Variants in PALM2AKAP2 observed in about 807,000 individuals in gnomAD.
PALM2AKAP2 encodes the protein PALM2-AKAP2 fusion protein.
PALM2AKAP2 carries 37 observed loss-of-function variants against 71.5 expected under a neutral mutation model. The observed-to-expected ratio is 0.52, with a 90% CI of 0.40 to 0.68. The LOEUF is 0.68. PALM2AKAP2 is among the 30% of genes least tolerant of loss of function. The pLI is 0.00. For missense variants in PALM2AKAP2, 1,224 were observed against 1,191.8 expected, an observed-to-expected ratio of 1.03 and a Z score of -0.40; for synonymous variants, 468 against 478.8, an observed-to-expected ratio of 0.98 and a Z score of 0.29.
chr9:109,750,821 C>T (rs1171941357), intron 1 of PALM2AKAP2, among the ~76,000 whole-genome samples: 1 of 152,052 alleles, frequency 6.6e-6, no homozygotes, highest in African/African-American at 2.4e-5. Context: ...TAGTATGGTC[C>T]AAACAAAACC....
exon 2 of PALM2AKAP2, chr9:110,136,516 T>C: frequency 1.2e-6 from 2 of 1,613,782 alleles, no homozygotes; most frequent in East Asian, 4.5e-5. Flanking sequence ...TAAGCCCCCC[T>C]GTCCACGAGG....
chr9:109,853,165 T>TC (rs1337014193), intron 1 of PALM2AKAP2, among the ~76,000 whole-genome samples: 1 of 152,054 alleles, frequency 6.6e-6, no homozygotes, highest in Admixed American at 6.6e-5. Flanking sequence ...AATAGAAGCT[T>TC]CCCCCCAGGG....
intron 3 of PALM2AKAP2, among the ~76,000 whole-genome samples, chr9:109,915,129 G>C (rs1178237851): frequency 6.6e-6 from 1 of 152,192 alleles, no homozygotes; most frequent in East Asian, 1.9e-4. Flanking sequence ...TACTAAACTT[G>C]ATCTCTGCCC....
intron 6 of PALM2AKAP2, among the ~76,000 whole-genome samples, chr9:109,981,640 T>C (rs937415886): frequency 6.6e-6 from 1 of 152,168 alleles, no homozygotes; most frequent in African/African-American, 2.4e-5. Context: ...AGGTTTTGTT[T>C]TGTTGTTGTT....
intron 6 of PALM2AKAP2, among the ~76,000 whole-genome samples, chr9:109,975,197 C>T (rs12004497): frequency 0.043 from 6,482 of 152,180 alleles, 283 homozygotes; most frequent in East Asian, 0.17. Flanking sequence ...AGAAGCCCCA[C>T]GATCTACTAT....
Position 109,996,236 on chromosome 9 carries a change from G to A in PALM2AKAP2, c.497-19718G>A, listed in dbSNP as rs1832572920. 2.0e-5 allele frequency among the ~76,000 whole-genome samples: 3 copies of A among 152,190 alleles called. No homozygotes were observed. The South Asian group carries it at 6.2e-4, about 32-fold the overall frequency. On this transcript the variant is annotated intron_variant, in intron 6 of 9. Transcript: ENST00000302798. The stretch of plus-strand genomic sequence containing the variant: ...ATGTTTCCAGCCTAGTAAAATAAGG[G>A]TGGCAAACTTAATCATTAGAGTATG...
At chr9:109,824,821 A>G (rs117362775) in intron 1 of PALM2AKAP2, among the ~76,000 whole-genome samples, 2,519 of 152,364 alleles carry the variant, frequency 0.017, 39 homozygotes, top group Non-Finnish European at 0.022. Context: ...TTTAAAATAT[A>G]AAATGCAAGG....
intron 1 of PALM2AKAP2, among the ~76,000 whole-genome samples, chr9:109,644,972 A>T (rs763737602): frequency 5.3e-5 from 8 of 152,180 alleles, no homozygotes; most frequent in Non-Finnish European, 1.0e-4. Flanking sequence ...TCTTCTTCTG[A>T]GCCCTCCAAA....
intron 6 of PALM2AKAP2, among the ~76,000 whole-genome samples, chr9:109,978,901 G>A (rs1382059771): frequency 1.3e-5 from 2 of 152,056 alleles, no homozygotes; most frequent in African/African-American, 4.8e-5. Context: ...GCTGGCAGAT[G>A]TTGACCCTGG....
At chr9:109,784,793 C>T (rs1826918183) in intron 1 of PALM2AKAP2, among the ~76,000 whole-genome samples, 1 of 152,366 alleles carries the variant, frequency 6.6e-6, no homozygotes, top group Non-Finnish European at 1.5e-5. Flanking sequence ...GGCAGCGTCT[C>T]GCACTTTTCC....
intron 1 of PALM2AKAP2, among the ~76,000 whole-genome samples, chr9:109,684,212 G>C (rs1827777118): frequency 6.6e-6 from 1 of 152,124 alleles, no homozygotes; most frequent in African/African-American, 2.4e-5. Context: ...TCTATCAGTG[G>C]GTTCTCATGG....
intron 1 of PALM2AKAP2, among the ~76,000 whole-genome samples, chr9:109,654,824 C>T (rs1235604147): frequency 1.3e-5 from 2 of 150,964 alleles, no homozygotes; most frequent in African/African-American, 2.4e-5. Flanking sequence ...TCTAAAATGC[C>T]ATCTTTCAGA....
At chr9:109,726,768 C>T (rs1446775862) in intron 1 of PALM2AKAP2, among the ~76,000 whole-genome samples, 3 of 152,204 alleles carry the variant, frequency 2.0e-5, no homozygotes, top group Non-Finnish European at 4.4e-5. Context: ...ACTGTATAGT[C>T]AAATACAATA....
At chr9:109,814,862 T>C (rs1422691191) in intron 1 of PALM2AKAP2, among the ~76,000 whole-genome samples, 5 of 152,214 alleles carry the variant, frequency 3.3e-5, no homozygotes, top group Non-Finnish European at 1.5e-5. Flanking sequence ...GATGGAGAGA[T>C]GGACTGTCTT....
chr9:110,066,838 C>A (rs1206824180), intron 1 of PALM2AKAP2, among the ~76,000 whole-genome samples: 3 of 152,062 alleles, frequency 2.0e-5, no homozygotes, highest in South Asian at 2.1e-4. Flanking sequence ...TTTTTAATGA[C>A]CACAGATACT....
rs545254302 is a variant in PALM2AKAP2 at position 109,923,963 on chromosome 9, G to C, written c.372+114G>C. 2.7e-6 allele frequency: 3 copies of C among 1,093,154 alleles called. No homozygotes were observed. In the East Asian group the frequency reaches 8.0e-5, roughly 29 times the overall value. 67.7% of individuals were successfully genotyped at this position (1,093,154 alleles called of 1,614,324 possible). On this transcript the variant is annotated intron_variant, in intron 4 of 9. Transcript: ENST00000302798. ...GGCATTGATGAGAAATCTGAGCCAC[G>C]AACTCTATGAAATGAGGGGCAGATG...
chr9:109,971,691 G>A (rs566406181), intron 6 of PALM2AKAP2, among the ~76,000 whole-genome samples: 1 of 152,306 alleles, frequency 6.6e-6, no homozygotes, highest in South Asian at 2.1e-4. Context: ...CTCCCAGAGT[G>A]CTGGGATTAC....
upstream of PALM2AKAP2, among the ~76,000 whole-genome samples, chr9:109,775,448 A>G (rs1289926942): frequency 6.6e-6 from 1 of 152,188 alleles, no homozygotes; most frequent in Admixed American, 6.5e-5. Flanking sequence ...TCCCATGGAG[A>G]AAAATAGCAT....
At chr9:109,817,673 C>T (rs922610920) in intron 1 of PALM2AKAP2, among the ~76,000 whole-genome samples, 2 of 152,184 alleles carry the variant, frequency 1.3e-5, no homozygotes, top group Non-Finnish European at 2.9e-5. Flanking sequence ...TCCCTAACCT[C>T]ACAGCGGTGA....
Sources: allele counts gnomAD v4.1 joint callset (sites outside exome capture counted in the v4.1 genomes callset), GRCh38; gene constraint gnomAD v4.1.1; transcripts MANE v1.5; gene names NCBI Gene and HGNC (gene_info 2026-07-23, HGNC 2026-07-21).